SEMA6C: variants seen among roughly 807,000 people sequenced by gnomAD.
SEMA6C encodes semaphorin-6C.
A neutral mutation model predicts 72.9 loss-of-function variants in SEMA6C; 37 were observed. The observed-to-expected ratio is 0.51, with a 90% confidence interval of 0.39 to 0.67. The LOEUF is 0.67. SEMA6C is among the 30% of genes least tolerant of loss of function. The probability of loss-of-function intolerance (pLI) is 0.00; values close to 1 mark genes in which losing one functional copy is unlikely to be tolerated. For synonymous variants in SEMA6C, 578 were observed against 554.1 expected, an observed-to-expected ratio of 1.04 and a Z score of -0.61; for missense variants, 1,189 against 1,263.6, an observed-to-expected ratio of 0.94 and a Z score of 0.89.
At position 151,140,066 on chromosome 1, in the gene SEMA6C, C is replaced by T. The variant is rs775365786; in HGVS notation, c.143G>A (p.Arg48Gln). 11 of 1,613,906 alleles carry T rather than the reference C, an allele frequency of 6.8e-6. No homozygotes were observed. The highest frequency in any genetic ancestry group is 2.7e-5 in the African/African-American group (2 of 74,902). Residue 48 changes from arginine to glutamine, a missense_variant, in exon 4 of 19, where the codon CGG becomes CAG. This residue lies in a region of SEMA6C where 468 missense variants were observed against 577.4 expected (regional missense o/e 0.81). Transcript: ENST00000368914. The part of the protein sequence containing the change: ...LQGTSPLSWF[R>Q]GLEDDAVAAE... ...AGCCACAGCATCATCCTCCAGGCCC[C>T]GAAACCAGGATAATGGGGAAGTACC...
chr1:151,133,844 G>A lies in SEMA6C; in HGVS notation c.1760-327C>T. The stretch of plus-strand genomic sequence containing the variant: ...GCTGGGATGCCCAATTCTGGGGAAG[G>A]GAGGCTCCAAACAGGCGTTAGTGAG... On this transcript the variant is annotated intron_variant, in intron 18 of 18. Transcript: ENST00000368914. The surrounding 1 kb of genome is among the most constrained non-coding windows in gnomAD (Gnocchi z 5.9). 2 of 1,003,910 alleles carry A rather than the reference G, an allele frequency of 2.0e-6. No individual in the cohort carries two copies. Among genetic ancestry groups the A allele is most frequent in the Non-Finnish European group, 2.9e-6 (2 of 681,294 alleles). The allele number at this position is 1,003,910 out of a possible 1,614,324, so 62.2% of individuals were successfully genotyped here. A position where few individuals can be genotyped will look rare whatever the true frequency, so the allele number is the denominator to read the frequency against.
intron 10 of SEMA6C, among the ~76,000 whole-genome samples, chr1:151,137,420 T>C (rs1190806780): frequency 7.9e-6 from 1 of 125,842 alleles, no homozygotes; most frequent in East Asian, 2.3e-4. Context: ...CACTCCAGCC[T>C]GGGCGACAGA....
chr1:151,135,463 C>A, intron 14 of SEMA6C, 128 bp downstream of exon 14: 1 of 1,445,724 alleles, frequency 6.9e-7, no homozygotes, highest in Non-Finnish European at 9.4e-7. Flanking sequence ...TCTCGCCAAG[C>A]CTGTCTAGCC....
In SEMA6C at chr1:151,139,672, G is replaced by C; in HGVS notation, c.263C>G (p.Ala88Gly). 6.2e-7 allele frequency: 1 copy of C among 1,606,246 alleles called. No individual in the cohort carries two copies. The highest frequency in any genetic ancestry group is 8.5e-7 in the Non-Finnish European group (1 of 1,174,278). The change falls in exon 5 of 19, where the codon GCC becomes GGC. Residue 88 changes from alanine to glycine, a missense_variant. Transcript: ENST00000368914. ...RDHVFSFDLQ[A>G]EEEGEGLVPN... ...CACCAGCCCCTCCCCTTCTTCTTCG[G>C]CTTGAAGATCGAAGGAGAAAACGTG... is the stretch of plus-strand genomic sequence containing the variant.
In SEMA6C at chr1:151,133,127, T is replaced by C; in HGVS notation, c.2150A>G (p.Asp717Gly). The C allele has an allele frequency of 6.4e-7, 1 of 1,562,492 alleles. No individual in the cohort carries two copies. The highest frequency in any genetic ancestry group is 1.2e-5 in the South Asian group (1 of 86,384). The stretch of plus-strand genomic sequence containing the variant: ...CCTGTTCTGGTTCCACTCCCAGGGG[T>C]CCCCGGCGGCGCGGAGGTGCTTGAC... Reference protein sequence around the residue: ...LPVKHLRAAGDPWEWNQNRNN... With the variant: ...LPVKHLRAAGGPWEWNQNRNN... Residue 717 changes from aspartate to glycine, a missense_variant, in exon 19 of 19, where the codon GAC (aspartate) becomes GGC (glycine). By Grantham distance (94) the Asp-to-Gly change is moderately conservative. Around this residue, in one of 2 missense-constraint regions of SEMA6C, gnomAD observed 721 missense variants for 686.2 expected, o/e 1.05. Coordinates refer to ENST00000368914, the MANE Select transcript of SEMA6C (RefSeq NM_030913.6). This position sits in a 1 kb window ranked among gnomAD's most constrained non-coding sequence, Gnocchi z 5.9.
Position 151,135,486 on chromosome 1 carries a change from C to T in SEMA6C, c.1433+105G>A, listed in dbSNP as rs587730712. ...AGCCTGTCTAGCCCAGAGCTCCCAC[C>T]CTGCAAAAGCCAATGTTGATGTTTC... On this transcript the variant is annotated intron_variant, in intron 14 of 18. Transcript: ENST00000368914. 2.2e-5 allele frequency: 33 copies of T among 1,470,746 alleles called. No individual in the cohort carries two copies. The African/African-American group carries it at 4.3e-4, about 19-fold the overall frequency. 91.1% of individuals were successfully genotyped at this position (1,470,746 alleles called of 1,614,324 possible).
chr1:151,139,728 G>T (rs779351244), intron 4 of SEMA6C, 27 bp from the exon 5 acceptor site: 1 of 1,573,352 alleles, frequency 6.4e-7, no homozygotes, highest in Admixed American at 1.8e-5. Context: ...GGAGGGGTCA[G>T]AGCCTAGTCA....
rs1558173753 is a variant in SEMA6C, at chr1:151,132,291, A to T, written c.*193T>A. 6 of 1,533,544 alleles carry T rather than the reference A, an allele frequency of 3.9e-6. No individual in the cohort carries two copies. The highest frequency in any genetic ancestry group is 3.9e-5 in the Admixed American group (2 of 50,830). The allele number at this position is 1,533,544 out of a possible 1,614,324, so 95.0% of individuals were successfully genotyped here. On this transcript the variant is annotated 3_prime_UTR_variant, in exon 19 of 19. Coordinates refer to ENST00000368914, the MANE Select transcript of SEMA6C (RefSeq NM_030913.6). ...TGAGGAGACGGGCTTCTCACCTCCC[A>T]CTCTTCTGTCGAGGACAGGGGGAAA...
In SEMA6C at chr1:151,142,574, C is replaced by T; in HGVS notation, c.48G>A (p.Leu16=). The stretch of plus-strand genomic sequence containing the variant: ...CGGCCTGAGTATGGGGAAGTGAGAG[C>T]AGCAGCAGCAGTAGCAGCAAGGGCA... The part of the protein sequence containing the change: ...HFMPLLLLLL[L]LSLPHTQAAF... The change falls in exon 3 of 19, where the codon CTG becomes CTA. Residue 16 remains leucine, a synonymous_variant. Transcript: ENST00000368914. The T allele has an allele frequency of 6.2e-7, 1 of 1,602,022 alleles. No homozygotes were observed. Among genetic ancestry groups the T allele is most frequent in the Non-Finnish European group, 8.5e-7 (1 of 1,173,336 alleles).
At position 151,131,905 on chromosome 1, in the gene SEMA6C, A is replaced by C; in HGVS notation, c.*579T>G. 1 of 210,214 alleles carries C rather than the reference A, an allele frequency of 4.8e-6. No individual in the cohort carries two copies. The highest frequency in any genetic ancestry group is 9.9e-6 in the Non-Finnish European group (1 of 101,098). The allele number at this position is 210,214 out of a possible 1,614,324, so 13.0% of individuals were successfully genotyped here. ...CACCGTTAATTCGCTCGTCTCCTTT[A>C]GGAAACCTTTCCAGACTGCCCCCCG... On this transcript the variant is annotated 3_prime_UTR_variant, in exon 19 of 19. Transcript: ENST00000368914.
At chr1:151,134,899 G>A in intron 15 of SEMA6C, 24 bp from the exon 16 acceptor site, 1 of 1,601,824 alleles carries the variant, frequency 6.2e-7, no homozygotes, top group Non-Finnish European at 8.6e-7. Flanking sequence ...AGGTGTGTGA[G>A]GCTGGATCCC....
intron 10 of SEMA6C, 70 bp from the exon 11 acceptor site, chr1:151,137,144 GTGAGT>G: frequency 3.5e-6 from 5 of 1,434,200 alleles, no homozygotes; most frequent in Non-Finnish European, 3.9e-6. Context: ...AAGGAGTGTG[GTGAGT>G]TAAGAGCAGT....
intron 18 of SEMA6C, chr1:151,134,121 G>A (rs1398334571): frequency 1.6e-6 from 2 of 1,218,794 alleles, no homozygotes; most frequent in African/African-American, 3.1e-5. Flanking sequence ...CCCTTCCAGG[G>A]GTCCTTCCTC....
intron 15 of SEMA6C, 56 bp downstream of exon 15, chr1:151,135,107 C>A: frequency 6.3e-7 from 1 of 1,595,240 alleles, no homozygotes; most frequent in Non-Finnish European, 8.5e-7. Context: ...TGTTTCTGTG[C>A]TCTTGCTGGC....
chr1:151,144,565 G>C (rs371087344), intron 1 of SEMA6C, 131 bp from the exon 2 acceptor site: 7 of 152,670 alleles, frequency 4.6e-5, no homozygotes, highest in African/African-American at 1.7e-4. Flanking sequence ...CCTTGAAAAT[G>C]GGAGGGGGCT....
chr1:151,142,945 CTT>C (rs1682673108), intron 2 of SEMA6C, among the ~76,000 whole-genome samples: 1 of 152,200 alleles, frequency 6.6e-6, no homozygotes. Context: ...AGCTTTTCCT[CTT>C]CTCTCCTGAC....
intron 5 of SEMA6C, 50 bp downstream of exon 5, chr1:151,139,587 CT>C: frequency 6.2e-7 from 1 of 1,607,364 alleles, no homozygotes. Context: ...CACATTAGAC[CT>C]TTCCCAGCCT....
At chr1:151,143,317 G>T (rs751491652) in intron 2 of SEMA6C, among the ~76,000 whole-genome samples, 1 of 152,180 alleles carries the variant, frequency 6.6e-6, no homozygotes, top group Non-Finnish European at 1.5e-5. Flanking sequence ...TGGTGGGGGG[G>T]ACTGTCTTCG....
At position 151,133,381 on chromosome 1, in the gene SEMA6C, G is replaced by A; in HGVS notation, c.1896C>T (p.Ala632=). 6 of 1,600,068 alleles carry A rather than the reference G, an allele frequency of 3.7e-6. No homozygotes were observed. The highest frequency in any genetic ancestry group is 4.3e-6 in the Non-Finnish European group (5 of 1,175,778). The change falls in exon 19 of 19, where the codon GCC becomes GCT. Residue 632 remains alanine, a synonymous_variant. Transcript: ENST00000368914. The surrounding 1 kb of genome is among the most constrained non-coding windows in gnomAD (Gnocchi z 5.9). ...GLLVSCACRR[A]HRRRGKDIET... is the part of the protein sequence containing the mutation. The stretch of plus-strand genomic sequence containing the variant: ...CGATGTCCTTGCCCCGACGTCGGTG[G>A]GCGCGGCGACAAGCACAGGAGACCA...
Sources: gnomAD v4.1 joint callset for allele counts (sites outside exome capture counted in the v4.1 genomes callset) on GRCh38, gnomAD v4.1.1 for gene constraint, gnomAD v4.1.1 regional missense constraint, Gnocchi (gnomAD v3.1) non-coding constraint, MANE v1.5 for transcripts, NCBI Gene and HGNC (gene_info 2026-07-23, HGNC 2026-07-21) for gene names.